CCNYL1: variants seen among roughly 807,000 people sequenced by gnomAD.
CCNYL1 encodes the protein cyclin Y like 1.
Under a neutral mutation model 44.2 loss-of-function variants are expected in CCNYL1, and 16 were observed. The ratio of observed to expected loss-of-function variants is 0.36; its 90% CI spans 0.25 to 0.55. The LOEUF (loss-of-function observed/expected upper bound fraction) is 0.55, where lower values mean the gene tolerates loss of function less well. Among genes scored for constraint, CCNYL1 ranks in the 20% least tolerant of loss-of-function variants. The pLI, the probability that CCNYL1 is intolerant of heterozygous loss-of-function variation, is 0.85. For missense variants in CCNYL1, 348 were observed against 451.8 expected, an observed-to-expected ratio of 0.77 and a Z score of 2.08; for synonymous variants, 159 against 163.2, an observed-to-expected ratio of 0.97 and a Z score of 0.20.
chr2:207,754,803 G>C lies in CCNYL1; in HGVS notation c.*1105G>C, dbSNP rs952661366. On this transcript the variant is annotated 3_prime_UTR_variant, in exon 10 of 10. Transcript: ENST00000295414. The stretch of plus-strand genomic sequence containing the variant: ...CAAGTGCAACTGGCACCTGTCTCCT[G>C]AATATTAAGCTTTTAATTTTTTGTT... The C allele has an allele frequency of 1.3e-5, 2 of 154,082 alleles. No homozygotes were observed. The highest frequency in any genetic ancestry group is 4.8e-5 in the African/African-American group (2 of 41,456). The allele number at this position is 154,082 out of a possible 1,614,324, so 9.5% of individuals were successfully genotyped here. A position where few individuals can be genotyped will look rare whatever the true frequency, so the allele number is the denominator to read the frequency against.
chr2:207,713,221 C>T (rs1200898805), intron 1 of CCNYL1, among the ~76,000 whole-genome samples: 3 of 152,190 alleles, frequency 2.0e-5, no homozygotes, highest in Admixed American at 1.3e-4. Flanking sequence ...ACTTCAATAC[C>T]TCCTTGTTCT....
chr2:207,756,075 G>T lies in CCNYL1; in HGVS notation c.*2377G>T, dbSNP rs918264032. 1 of 152,164 alleles carries T rather than the reference G, an allele frequency of 6.6e-6. No homozygotes were observed. Among genetic ancestry groups the T allele is most frequent in the Non-Finnish European group, 1.5e-5 (1 of 68,014 alleles). 9.4% of individuals were successfully genotyped at this position (152,164 alleles called of 1,614,324 possible). On this transcript the variant is annotated 3_prime_UTR_variant, in exon 10 of 10. Transcript: ENST00000295414. ...TGGAATTCAGAGTTTGGAGATTCAA[G>T]TATTGATTGCAGTTTTATTTTGAAA...
intron 3 of CCNYL1, among the ~76,000 whole-genome samples, chr2:207,733,028 T>A (rs898348290): frequency 1.3e-5 from 2 of 152,126 alleles, no homozygotes; most frequent in African/African-American, 4.8e-5. Context: ...CCACAAGCAG[T>A]TGGTATCATG....
chr2:207,723,109 G>A (rs1042712087), intron 1 of CCNYL1, among the ~76,000 whole-genome samples: 1 of 152,190 alleles, frequency 6.6e-6, no homozygotes, highest in Admixed American at 6.5e-5. Flanking sequence ...TAATTTTTGT[G>A]TGGGTCTTTT....
At position 207,742,243 on chromosome 2, in the gene CCNYL1, A is replaced by G. The variant is rs1249927987; in HGVS notation, c.540A>G (p.Glu180=). ...TTCAGCGAGAAAAAGTTCCAGAGGA[A>G]TACTTTAAGCATGATCCTGAGCACA... is the stretch of plus-strand genomic sequence containing the variant. ...HPLTREKVPE[E]YFKHDPEHKF... The change falls in exon 7 of 10, where the codon GAA becomes GAG. Residue 180 remains glutamate, a synonymous_variant. Transcript: ENST00000295414. The G allele has an allele frequency of 4.3e-6, 7 of 1,610,416 alleles. No homozygotes were observed. Among genetic ancestry groups the G allele is most frequent in the Non-Finnish European group, 5.9e-6 (7 of 1,179,080 alleles).
intron 8 of CCNYL1, among the ~76,000 whole-genome samples, chr2:207,747,656 C>G (rs2091863868): frequency 6.6e-6 from 1 of 152,218 alleles, no homozygotes; most frequent in African/African-American, 2.4e-5. Flanking sequence ...TCAAGCGATT[C>G]TCCTGCCTCA....
rs113211137 is a variant in CCNYL1, at chr2:207,727,724, G to A, written c.330+848G>A. On this transcript the variant is annotated intron_variant, in intron 3 of 9. Transcript: ENST00000295414. ...TTTGTCATCCTCTTCAAATATAGAC[G>A]GGTTTTTCCTAAGACTGTTCTGTGC... 1.0e-3 allele frequency among the ~76,000 whole-genome samples: 152 copies of A among 152,166 alleles called. No individual in the cohort carries two copies. The Middle Eastern group carries it at 0.01, about 10-fold the overall frequency.
intron 6 of CCNYL1, 94 bp downstream of exon 6, chr2:207,740,800 G>T: frequency 6.8e-6 from 5 of 731,516 alleles, no homozygotes; most frequent in Middle Eastern, 3.6e-4. Context: ...AAATATACAT[G>T]ATCTCTATGA....
chr2:207,723,267 G>A (rs533267753), intron 1 of CCNYL1, among the ~76,000 whole-genome samples: 1 of 152,226 alleles, frequency 6.6e-6, no homozygotes, highest in South Asian at 2.1e-4. Context: ...TTTTAACCAG[G>A]AAGTCCCAAA....
chr2:207,717,398 G>A (rs925785041), intron 1 of CCNYL1, among the ~76,000 whole-genome samples: 4 of 152,146 alleles, frequency 2.6e-5, no homozygotes, highest in Non-Finnish European at 4.4e-5. Flanking sequence ...GTACCTTTAG[G>A]TGGCCAGGCT....
chr2:207,724,992 A>G (rs1412839086), intron 2 of CCNYL1, 118 bp downstream of exon 2: 4 of 730,228 alleles, frequency 5.5e-6, no homozygotes, highest in South Asian at 2.1e-5. Flanking sequence ...TTTTCTTTTC[A>G]TATGTTCACT....
chr2:207,719,592 C>T (rs186453528), intron 1 of CCNYL1, among the ~76,000 whole-genome samples: 318 of 152,182 alleles, frequency 2.1e-3, no homozygotes, highest in African/African-American at 7.4e-3. Flanking sequence ...TGAGCTACTG[C>T]GCCCGGCTTA....
intron 1 of CCNYL1, chr2:207,714,356 T>G (rs2091576754): frequency 4.8e-6 from 2 of 419,466 alleles, no homozygotes; most frequent in African/African-American, 4.4e-5. Context: ...AGAGTCTCAC[T>G]GTGTTGACCA....
intron 8 of CCNYL1, among the ~76,000 whole-genome samples, chr2:207,749,067 A>G (rs2091874585): frequency 6.6e-6 from 1 of 152,224 alleles, no homozygotes; most frequent in Non-Finnish European, 1.5e-5. Context: ...TTCAAGATAC[A>G]GTATCAGAGA....
At chr2:207,736,585 T>C (rs538589941) in intron 4 of CCNYL1, among the ~76,000 whole-genome samples, 1 of 152,372 alleles carries the variant, frequency 6.6e-6, no homozygotes, top group South Asian at 2.1e-4. Flanking sequence ...TGCACTTATT[T>C]ACTAATAAAT....
intron 1 of CCNYL1, among the ~76,000 whole-genome samples, chr2:207,718,140 G>A (rs1013653926): frequency 1.3e-5 from 2 of 152,058 alleles, no homozygotes; most frequent in African/African-American, 4.8e-5. Context: ...TCCCAACCTC[G>A]TGATCCACCC....
At chr2:207,747,999 A>G (rs976541158) in intron 8 of CCNYL1, among the ~76,000 whole-genome samples, 5 of 152,154 alleles carry the variant, frequency 3.3e-5, no homozygotes, top group African/African-American at 1.2e-4. Context: ...GGCCTTTGAA[A>G]TAATTGTTTG....
intron 8 of CCNYL1, among the ~76,000 whole-genome samples, chr2:207,749,146 CAAG>C (rs889449669): frequency 5.0e-4 from 76 of 152,290 alleles, no homozygotes; most frequent in African/African-American, 1.8e-3. Flanking sequence ...GGGCCAGCTC[CAAG>C]AAGACCAGTT....
chr2:207,746,670 G>A (rs868088890), intron 7 of CCNYL1, among the ~76,000 whole-genome samples: 7 of 152,218 alleles, frequency 4.6e-5, no homozygotes, highest in South Asian at 2.1e-4. Flanking sequence ...AAATTTGTCA[G>A]TCATGAATTC....
Sources: allele counts gnomAD v4.1 joint callset (sites outside exome capture counted in the v4.1 genomes callset), GRCh38; gene constraint gnomAD v4.1.1; transcripts MANE v1.5; gene names NCBI Gene and HGNC (gene_info 2026-07-23, HGNC 2026-07-21).